The following BTBD9 variants were observed in gnomAD, a reference collection of about 807,000 sequenced individuals.
The protein encoded by BTBD9 is BTB/POZ domain-containing protein 9.
In BTBD9, 49 loss-of-function variants were observed where a neutral mutation model predicts 64.3. The observed-to-expected ratio is 0.76, with a 90% CI of 0.61 to 0.97. BTBD9 has a LOEUF of 0.97. Ranked by LOEUF, BTBD9 falls within the 50% of genes least tolerant of loss-of-function variation. BTBD9 has a pLI of 0.00. For synonymous variants in BTBD9, 260 were observed against 274.7 expected (o/e 0.95, Z 0.53); for missense variants, 598 against 762.1 (o/e 0.78, Z 2.53).
chr6:38,234,962 T>G (rs1043389915), intron 9 of BTBD9, among the ~76,000 whole-genome samples: 2 of 152,214 alleles, frequency 1.3e-5, no homozygotes, highest in African/African-American at 4.8e-5. Flanking sequence ...CAACACAGAT[T>G]TTCACTTTCA....
At chr6:38,386,542 T>G (rs796359532) in intron 6 of BTBD9, among the ~76,000 whole-genome samples, 1 of 151,890 alleles carries the variant, frequency 6.6e-6, no homozygotes, top group African/African-American at 2.4e-5. Context: ...GTTCCTGCAA[T>G]GTAAGGTCAA....
chr6:38,280,358 A>G (rs1344095392), intron 8 of BTBD9, among the ~76,000 whole-genome samples: 1 of 152,258 alleles, frequency 6.6e-6, no homozygotes, highest in Non-Finnish European at 1.5e-5. Context: ...ATAGGCTCAG[A>G]GAGAAACAAC....
intron 6 of BTBD9, among the ~76,000 whole-genome samples, chr6:38,440,241 A>G (rs574095958): frequency 6.6e-6 from 1 of 152,326 alleles, no homozygotes; most frequent in South Asian, 2.1e-4. Flanking sequence ...GATGAAGGCC[A>G]AGGCACTTCA....
chr6:38,311,196 CTA>C (rs1762816604), intron 7 of BTBD9, among the ~76,000 whole-genome samples: 1 of 147,254 alleles, frequency 6.8e-6, no homozygotes, highest in African/African-American at 2.6e-5. Context: ...CTTATTCATC[CTA>C]TTTTTTTTTT....
chr6:38,193,797 A>ATATGTATTTG, intron 9 of BTBD9: 1 of 984,720 alleles, frequency 1.0e-6, no homozygotes, highest in Non-Finnish European at 1.2e-6. Flanking sequence ...AAGAAAATAT[A>ATATGTATTTG]TATGTATTTG....
chr6:38,493,502 C>T (rs897158663), intron 6 of BTBD9, among the ~76,000 whole-genome samples: 1 of 152,172 alleles, frequency 6.6e-6, no homozygotes, highest in Admixed American at 6.5e-5. Flanking sequence ...TCAGCACATG[C>T]TTTGTTCTTT....
chr6:38,585,938 C>CCACACACACACACACA (rs10660204), intron 4 of BTBD9, among the ~76,000 whole-genome samples: 23 of 140,864 alleles, frequency 1.6e-4, no homozygotes, highest in African/African-American at 4.8e-4. Context: ...ACAGGACAGA[C>CCACACACACACACACA]CACACACACA....
At chr6:38,186,364 T>C (rs558460561) in intron 10 of BTBD9, among the ~76,000 whole-genome samples, 1 of 152,350 alleles carries the variant, frequency 6.6e-6, no homozygotes, top group East Asian at 1.9e-4. Flanking sequence ...ATGATGATTA[T>C]TATAAGGGTC....
intron 7 of BTBD9, among the ~76,000 whole-genome samples, chr6:38,292,813 T>C (rs181331182): frequency 9.9e-5 from 15 of 152,188 alleles, no homozygotes; most frequent in African/African-American, 3.6e-4. Flanking sequence ...CATGTCTCTA[T>C]CTCCTTCAGT....
chr6:38,322,809 T>C (rs1763287131), intron 7 of BTBD9, among the ~76,000 whole-genome samples: 1 of 152,248 alleles, frequency 6.6e-6, no homozygotes, highest in African/African-American at 2.4e-5. Context: ...AAATCCTGCC[T>C]TTTAGCTTTT....
chr6:38,374,052 C>T (rs563025308), intron 6 of BTBD9, among the ~76,000 whole-genome samples: 1 of 151,310 alleles, frequency 6.6e-6, no homozygotes, highest in South Asian at 2.1e-4. Context: ...AGGCAGATCA[C>T]TTGAGGTCAG....
intron 6 of BTBD9, among the ~76,000 whole-genome samples, chr6:38,392,489 G>T (rs1766463902): frequency 6.6e-6 from 1 of 152,272 alleles, no homozygotes; most frequent in South Asian, 2.1e-4. Flanking sequence ...AGAAAAGGGG[G>T]TGCTACCCAA....
intron 6 of BTBD9, among the ~76,000 whole-genome samples, chr6:38,385,877 C>T (rs1220685684): frequency 2.7e-5 from 4 of 150,860 alleles, no homozygotes; most frequent in African/African-American, 9.8e-5. Flanking sequence ...TCACTGCAAC[C>T]TCCACCTCTC....
At chr6:38,536,088 C>G (rs1291572345) in intron 6 of BTBD9, among the ~76,000 whole-genome samples, 1 of 152,092 alleles carries the variant, frequency 6.6e-6, no homozygotes, top group Non-Finnish European at 1.5e-5. Context: ...TATCTGCAAA[C>G]TATCCATCTG....
At chr6:38,323,091 C>G (rs1315825536) in intron 7 of BTBD9, among the ~76,000 whole-genome samples, 2 of 152,166 alleles carry the variant, frequency 1.3e-5, no homozygotes, top group Non-Finnish European at 2.9e-5. Flanking sequence ...CAAAGCTTAT[C>G]GAAGTAGTTT....
At chr6:38,244,993 T>C (rs1764131729) in intron 9 of BTBD9, among the ~76,000 whole-genome samples, 1 of 152,176 alleles carries the variant, frequency 6.6e-6, no homozygotes, top group Non-Finnish European at 1.5e-5. Flanking sequence ...TTGGGCTTTG[T>C]GACAATGACA....
chr6:38,580,467 A>G, intron 4 of BTBD9, 30 bp from the exon 5 acceptor site: 3 of 1,548,572 alleles, frequency 1.9e-6, no homozygotes, highest in Non-Finnish European at 2.7e-6. Context: ...AAGCAAGGTT[A>G]ATGATTACTT....
intron 1 of BTBD9, among the ~76,000 whole-genome samples, chr6:38,607,099 T>C (rs1777455292): frequency 6.6e-6 from 1 of 152,202 alleles, no homozygotes. Flanking sequence ...TTTGGAAAGA[T>C]TATACATACA....
intron 6 of BTBD9, among the ~76,000 whole-genome samples, chr6:38,488,663 C>G (rs1771564210): frequency 6.6e-6 from 1 of 152,116 alleles, no homozygotes; most frequent in South Asian, 2.1e-4. Context: ...ACCAGCAGCT[C>G]TGCAAAGAAT....
Sources: gnomAD v4.1 joint callset for allele counts (sites outside exome capture counted in the v4.1 genomes callset) on GRCh38, gnomAD v4.1.1 for gene constraint, MANE v1.5 for transcripts, NCBI Gene and HGNC (gene_info 2026-07-23, HGNC 2026-07-21) for gene names.